Variants in HS6ST1 observed in about 807,000 individuals in gnomAD.
The protein encoded by HS6ST1 is heparan sulfate 6-O-sulfotransferase 1, also known as heparan-sulfate 6-O-sulfotransferase 1.
Under a neutral mutation model 25.2 loss-of-function variants are expected in HS6ST1, and 3 were observed. The ratio of observed to expected loss-of-function variants is 0.12; its 90% confidence interval spans 0.05 to 0.31. The LOEUF is 0.31. Among genes scored for constraint, HS6ST1 ranks in the 10% least tolerant of loss-of-function variants. The pLI, the probability that HS6ST1 is intolerant of heterozygous loss-of-function variation, is 1.00. For missense variants in HS6ST1, 310 were observed against 609.6 expected, an observed-to-expected ratio of 0.51 and a Z score of 5.18; for synonymous variants, 204 against 275.1, an observed-to-expected ratio of 0.74 and a Z score of 2.56.
At chr2:128,278,418 G>A (rs894683000) in intron 1 of HS6ST1, among the ~76,000 whole-genome samples, 7 of 152,238 alleles carry the variant, frequency 4.6e-5, no homozygotes, top group African/African-American at 1.7e-4. Flanking sequence ...GAGGGGCACA[G>A]GAGATTGGAG....
chr2:128,300,578 AC>A (rs1694109600), intron 1 of HS6ST1, among the ~76,000 whole-genome samples: 1 of 151,956 alleles, frequency 6.6e-6, no homozygotes, highest in Non-Finnish European at 1.5e-5. Context: ...GACAGCTGGG[AC>A]CCCCATAGGA....
chr2:128,299,580 A>C (rs975247139), intron 1 of HS6ST1, among the ~76,000 whole-genome samples: 1 of 152,198 alleles, frequency 6.6e-6, no homozygotes, highest in African/African-American at 2.4e-5. Context: ...TGGATGAGGA[A>C]ACTGAAGCAG....
intron 1 of HS6ST1, among the ~76,000 whole-genome samples, chr2:128,315,972 C>G (rs1366980107): frequency 6.6e-6 from 1 of 152,238 alleles, no homozygotes; most frequent in Non-Finnish European, 1.5e-5. Flanking sequence ...CCTGACGGCC[C>G]TGGAAGCCCC....
intron 1 of HS6ST1, among the ~76,000 whole-genome samples, chr2:128,295,922 G>T (rs6744014): frequency 0.084 from 12,765 of 152,272 alleles, 1,802 homozygotes; most frequent in African/African-American, 0.29. Context: ...CAAAACTCAT[G>T]TTGAAGTCCT....
chr2:128,274,521 G>A (rs10178365), intron 1 of HS6ST1, among the ~76,000 whole-genome samples: 16,999 of 152,062 alleles, frequency 0.11, 1,278 homozygotes, highest in African/African-American at 0.21. Context: ...GAAGATCCTG[G>A]AGTAGGCATC....
intron 1 of HS6ST1, among the ~76,000 whole-genome samples, chr2:128,281,265 T>A (rs987322316): frequency 1.3e-5 from 2 of 151,612 alleles, no homozygotes; most frequent in Non-Finnish European, 2.9e-5. Flanking sequence ...GCATGGGGGG[T>A]GGGGGTGCCT....
intron 1 of HS6ST1, among the ~76,000 whole-genome samples, chr2:128,280,483 G>T (rs560308022): frequency 3.9e-4 from 59 of 152,212 alleles, no homozygotes; most frequent in Non-Finnish European, 7.2e-4. Context: ...CTTCCCCACC[G>T]CTCTGGTGTG....
chr2:128,313,306 A>G (rs913172426), intron 1 of HS6ST1, among the ~76,000 whole-genome samples: 1 of 152,224 alleles, frequency 6.6e-6, no homozygotes, highest in Non-Finnish European at 1.5e-5. Context: ...CAGTCCCCAC[A>G]GAGTACAGAA....
At chr2:128,272,169 G>C (rs1034090192) in intron 1 of HS6ST1, among the ~76,000 whole-genome samples, 1 of 152,126 alleles carries the variant, frequency 6.6e-6, no homozygotes, top group African/African-American at 2.4e-5. Context: ...TGCCGTGGAG[G>C]GGCTGGAGCG....
chr2:128,311,212 G>C (rs1187575047), intron 1 of HS6ST1, among the ~76,000 whole-genome samples: 2 of 152,168 alleles, frequency 1.3e-5, no homozygotes, highest in African/African-American at 4.8e-5. Context: ...CTGAGTTTCT[G>C]AGAAGGCAAG....
Position 128,298,801 on chromosome 2 carries a change from T to C in HS6ST1, c.527+19236A>G, listed in dbSNP as rs539910976. On this transcript the variant is annotated intron_variant, in intron 1 of 1. Coordinates refer to ENST00000259241, the MANE Select transcript of HS6ST1 (RefSeq NM_004807.3). ...GTACACTCAAAAATGGTTAGAATGG[T>C]AAATTTTATGTTATGCATACTTCAC... Among the ~76,000 whole-genome samples the C allele has an allele frequency of 7.9e-5, 12 of 152,284 alleles. 1 individual carries two copies. In the South Asian group the frequency reaches 2.3e-3, roughly 29 times the overall value.
intron 1 of HS6ST1, among the ~76,000 whole-genome samples, chr2:128,270,742 T>G (rs1157785453): frequency 6.6e-6 from 1 of 152,150 alleles, no homozygotes; most frequent in Admixed American, 6.5e-5. Flanking sequence ...ACCAAATGGA[T>G]GGAGACAGGC....
chr2:128,315,344 C>G (rs1015798705), intron 1 of HS6ST1, among the ~76,000 whole-genome samples: 2 of 152,224 alleles, frequency 1.3e-5, no homozygotes, highest in Non-Finnish European at 2.9e-5. Context: ...AATGGGGAGG[C>G]TGGCAGCCGG....
At chr2:128,305,620 G>A (rs998684076) in intron 1 of HS6ST1, among the ~76,000 whole-genome samples, 1 of 152,240 alleles carries the variant, frequency 6.6e-6, no homozygotes, top group Admixed American at 6.5e-5. Context: ...CTCTCACTCT[G>A]GGGCCTACCT....
chr2:128,269,431 A>G (rs1693576654), intron 1 of HS6ST1, among the ~76,000 whole-genome samples: 1 of 152,094 alleles, frequency 6.6e-6, no homozygotes, highest in Non-Finnish European at 1.5e-5. Context: ...GTTGTCCCCC[A>G]AGACACCAAC....
chr2:128,318,162 C>A lies in HS6ST1; in HGVS notation c.402G>T (p.Glu134Asp). The A allele has an allele frequency of 1.3e-6, 2 of 1,532,408 alleles. No homozygotes were observed. The highest frequency in any genetic ancestry group is 1.2e-5 in the South Asian group (1 of 84,194). 94.9% of individuals were successfully genotyped at this position (1,532,408 alleles called of 1,614,324 possible). Residue 134 changes from glutamate (E) to aspartate (D), a missense_variant, in exon 1 of 2, where the codon GAG (glutamate) becomes GAT (aspartate). Physicochemically the swap from Glu to Asp is conservative, Grantham distance 45. This residue lies in a region of HS6ST1 where 98 missense variants were observed against 270.3 expected (regional missense o/e 0.36). Coordinates refer to ENST00000259241, the MANE Select transcript of HS6ST1 (RefSeq NM_004807.3). This position sits in a 1 kb window ranked among gnomAD's most constrained non-coding sequence, Gnocchi z 5.7. ...TGGAGAAGCGGGAGAAGAGCCAAGT[C>A]TCGCGGCGGTTGGGCCGGTAGCAGG... ...KCTCYRPNRR[E>D]TWLFSRFSTG...
At chr2:128,300,306 C>A (rs1172456103) in intron 1 of HS6ST1, among the ~76,000 whole-genome samples, 1 of 152,160 alleles carries the variant, frequency 6.6e-6, no homozygotes, top group Non-Finnish European at 1.5e-5. Flanking sequence ...ACCATCCCTA[C>A]CTGGACCCTG....
chr2:128,288,233 T>C (rs977327920), intron 1 of HS6ST1, among the ~76,000 whole-genome samples: 1 of 152,158 alleles, frequency 6.6e-6, no homozygotes, highest in Non-Finnish European at 1.5e-5. Flanking sequence ...AGCCTGTAAC[T>C]ACACATCCAC....
intron 1 of HS6ST1, among the ~76,000 whole-genome samples, chr2:128,275,566 TTAAAAG>T (rs527582671): frequency 2.0e-5 from 3 of 152,118 alleles, no homozygotes; most frequent in East Asian, 3.9e-4. Flanking sequence ...TTTAAAAAAA[TTAAAAG>T]TAAAAGAAAA....
Sources: allele counts gnomAD v4.1 joint callset (sites outside exome capture counted in the v4.1 genomes callset), GRCh38; gene constraint gnomAD v4.1.1; regional missense constraint gnomAD v4.1.1; non-coding constraint Gnocchi (gnomAD v3.1); transcripts MANE v1.5; gene names NCBI Gene and HGNC (gene_info 2026-07-23, HGNC 2026-07-21).